TINAG: variants seen among roughly 807,000 people sequenced by gnomAD.
TINAG encodes tubulointerstitial nephritis antigen.
Under a neutral mutation model 72.7 loss-of-function variants are expected in TINAG, and 83 were observed. That is an observed-to-expected ratio of 1.14 (90% CI 0.96 to 1.37). The LOEUF is 1.37. Ranked by LOEUF, TINAG falls within the 40% of genes most tolerant of loss-of-function variation. The pLI, the probability that TINAG is intolerant of heterozygous loss-of-function variation, is 0.00. For missense variants in TINAG, 685 were observed against 576.6 expected (o/e 1.19, Z -1.93); for synonymous variants, 234 against 189.9 (o/e 1.23, Z -1.91).
At chr6:54,371,104 C>A (rs891308242) in intron 9 of TINAG, among the ~76,000 whole-genome samples, 2 of 138,114 alleles carry the variant, frequency 1.4e-5, no homozygotes, top group Non-Finnish European at 3.2e-5. Flanking sequence ...ATGTCACTTA[C>A]GAAAACTGTG....
chr6:54,380,618 T>C (rs377120094), intron 10 of TINAG, 47 bp downstream of exon 10: 142 of 1,484,144 alleles, frequency 9.6e-5, no homozygotes, highest in Admixed American at 1.7e-4. Flanking sequence ...GTGAATATGT[T>C]CAAATCTTCT....
intron 10 of TINAG, among the ~76,000 whole-genome samples, chr6:54,386,995 C>T (rs1241335095): frequency 1.3e-5 from 2 of 152,086 alleles, no homozygotes; most frequent in African/African-American, 2.4e-5. Context: ...ATGTATCTAT[C>T]TATCTATCTG....
intron 9 of TINAG, among the ~76,000 whole-genome samples, chr6:54,373,217 T>C (rs1002143860): frequency 2.8e-5 from 4 of 142,240 alleles, no homozygotes; most frequent in East Asian, 2.1e-4. Context: ...CCATTTAATA[T>C]ATCTTGTTCA....
At chr6:54,337,246 ATTTTT>A (rs34286210) in intron 4 of TINAG, among the ~76,000 whole-genome samples, 1 of 94,086 alleles carries the variant, frequency 1.1e-5, no homozygotes, top group African/African-American at 3.9e-5. Flanking sequence ...TGGGATTTGA[ATTTTT>A]TTTTTTTTTT....
At chr6:54,345,847 A>G (rs1437591548) in intron 5 of TINAG, among the ~76,000 whole-genome samples, 1 of 152,128 alleles carries the variant, frequency 6.6e-6, no homozygotes, top group Admixed American at 6.6e-5. Flanking sequence ...GTGTATACAA[A>G]GATACATATG....
intron 9 of TINAG, chr6:54,365,409 G>A (rs1306083506): frequency 6.6e-6 from 1 of 151,488 alleles, no homozygotes; most frequent in Admixed American, 6.6e-5. Context: ...TTTAGGATGG[G>A]TGCTTTTAGT....
At chr6:54,374,589 T>G (rs966098734) in intron 9 of TINAG, among the ~76,000 whole-genome samples, 1 of 152,150 alleles carries the variant, frequency 6.6e-6, no homozygotes, top group African/African-American at 2.4e-5. Context: ...AATAAAAGCC[T>G]GCATATCTTT....
At position 54,351,373 on chromosome 6, in the gene TINAG, A is replaced by G; in HGVS notation, c.1102A>G (p.Ile368Val). 2 of 1,610,402 alleles carry G rather than the reference A, an allele frequency of 1.2e-6. No individual in the cohort carries two copies. Among genetic ancestry groups the G allele is most frequent in the Non-Finnish European group, 1.7e-6 (2 of 1,177,884 alleles). ...CCAGGAAACTGAGATAATGAAAGAA[A>G]TCATGCAAAATGGACCAGTTCAAGG... ...SSNETEIMKE[I>V]MQNGPVQAIM... The change falls in exon 8 of 11, where the codon ATC (isoleucine) becomes GTC (valine). Residue 368 changes from isoleucine (I) to valine (V), a missense_variant. Transcript: ENST00000259782.
chr6:54,384,517 C>T (rs1054802723), intron 10 of TINAG, among the ~76,000 whole-genome samples: 9 of 151,896 alleles, frequency 5.9e-5, no homozygotes, highest in African/African-American at 2.2e-4. Context: ...GCTGGCATTT[C>T]AACAACAACA....
rs1296093660 is a variant in TINAG, at chr6:54,343,247, G to C, written c.646G>C (p.Asp216His). 1.3e-6 allele frequency: 2 copies of C among 1,573,596 alleles called. No homozygotes were observed. The highest frequency in any genetic ancestry group is 2.7e-5 in the African/African-American group (2 of 73,512). The change falls in exon 5 of 11, where the codon GAT (aspartate) becomes CAT (histidine). Residue 216 changes from aspartate to histidine, a missense_variant. Transcript: ENST00000259782. Reference protein sequence around the residue: ...EMTASLPATTDLPEFFVASYK... With the variant: ...EMTASLPATTHLPEFFVASYK... ...TTAGGCTTCTTTACCTGCAACAACT[G>C]ATCTTCCAGAGTTTTTTGTTGCTTC...
chr6:54,371,380 A>ACTCC (rs1763602328), intron 9 of TINAG, among the ~76,000 whole-genome samples: 2 of 152,126 alleles, frequency 1.3e-5, no homozygotes, highest in South Asian at 4.1e-4. Context: ...TAAATGAGAT[A>ACTCC]TGTGTCTGCT....
intron 4 of TINAG, chr6:54,327,181 G>A (rs927982307): frequency 6.5e-7 from 1 of 1,543,120 alleles, no homozygotes; most frequent in South Asian, 1.2e-5. Flanking sequence ...ATCAAGAACA[G>A]CTCTGGTTGG....
chr6:54,353,276 A>G (rs1244738447), intron 8 of TINAG, among the ~76,000 whole-genome samples: 1 of 151,864 alleles, frequency 6.6e-6, no homozygotes, highest in African/African-American at 2.4e-5. Flanking sequence ...CAATGGTTCT[A>G]CAGAAAAGAA....
intron 9 of TINAG, among the ~76,000 whole-genome samples, chr6:54,358,895 T>G (rs1440594356): frequency 2.0e-5 from 3 of 151,782 alleles, no homozygotes; most frequent in African/African-American, 7.2e-5. Flanking sequence ...AGCTTGCAAA[T>G]GGTCCTCATT....
At chr6:54,379,166 G>A (rs967364943) in intron 9 of TINAG, among the ~76,000 whole-genome samples, 2 of 152,062 alleles carry the variant, frequency 1.3e-5, no homozygotes, top group African/African-American at 2.4e-5. Context: ...GGTAATACAC[G>A]GGCAGAATTA....
intron 10 of TINAG, among the ~76,000 whole-genome samples, chr6:54,386,904 A>T (rs866844192): frequency 5.3e-5 from 8 of 152,322 alleles, no homozygotes; most frequent in Middle Eastern, 6.8e-3. Context: ...TTTTAAGAAT[A>T]AATTATCAGA....
chr6:54,371,347 T>C (rs2150975311), intron 9 of TINAG, among the ~76,000 whole-genome samples: 1 of 152,158 alleles, frequency 6.6e-6, no homozygotes, highest in South Asian at 2.1e-4. Flanking sequence ...ATAATAAGTT[T>C]CCCTCTGTCT....
At chr6:54,348,956 A>G (rs1785195684) in intron 6 of TINAG, among the ~76,000 whole-genome samples, 1 of 152,112 alleles carries the variant, frequency 6.6e-6, no homozygotes, top group Non-Finnish European at 1.5e-5. Context: ...AGCATAGAGT[A>G]TCTACAATAC....
intron 9 of TINAG, among the ~76,000 whole-genome samples, chr6:54,368,788 C>T (rs1763515069): frequency 6.6e-6 from 1 of 151,490 alleles, no homozygotes; most frequent in Non-Finnish European, 1.5e-5. Context: ...ATTTTTTTAA[C>T]TAATAAAGAG....
Sources: gnomAD v4.1 joint callset for allele counts (sites outside exome capture counted in the v4.1 genomes callset) on GRCh38, gnomAD v4.1.1 for gene constraint, MANE v1.5 for transcripts, NCBI Gene and HGNC (gene_info 2026-07-23, HGNC 2026-07-21) for gene names.